The following RPP30 variants were observed in gnomAD, a reference collection of about 807,000 sequenced individuals.
RPP30 encodes ribonuclease P/MRP subunit p30, also known as ribonuclease P protein subunit p30.
Under a neutral mutation model 38.6 loss-of-function variants are expected in RPP30, and 36 were observed. The observed-to-expected ratio is 0.93, with a 90% CI of 0.71 to 1.23. The LOEUF (loss-of-function observed/expected upper bound fraction) is 1.23. Ranked by LOEUF, RPP30 falls within the 50% of genes most tolerant of loss-of-function variation. RPP30 has a pLI of 0.00. For synonymous variants in RPP30, 126 were observed against 112.7 expected (o/e 1.12, Z -0.75); for missense variants, 321 against 321.7 (o/e 1.00, Z 0.02).
At chr10:90,881,880 A>G (rs1369699392) in intron 5 of RPP30, among the ~76,000 whole-genome samples, 1 of 152,056 alleles carries the variant, frequency 6.6e-6, no homozygotes, top group Non-Finnish European at 1.5e-5. Flanking sequence ...ACACACACAG[A>G]CAGACACATG....
intron 6 of RPP30, among the ~76,000 whole-genome samples, chr10:90,886,459 C>T (rs1360512109): frequency 6.6e-6 from 1 of 152,194 alleles, no homozygotes; most frequent in Non-Finnish European, 1.5e-5. Flanking sequence ...GAATTTTTCT[C>T]ATTCCCCTTC....
At chr10:90,904,593 A>G (rs996836289), downstream of RPP30, among the ~76,000 whole-genome samples, 2 of 152,178 alleles carry the variant, frequency 1.3e-5, no homozygotes, top group African/African-American at 4.8e-5. Flanking sequence ...AGGGCGGATA[A>G]CTTGAGGTCA....
chr10:90,887,882 A>T (rs937471747), intron 6 of RPP30, among the ~76,000 whole-genome samples: 2 of 152,224 alleles, frequency 1.3e-5, no homozygotes, highest in African/African-American at 4.8e-5. Context: ...AACTACAAGA[A>T]GTCATTCAGT....
chr10:90,905,862 G>A (rs1481283609), downstream of RPP30: 7 of 152,096 alleles, frequency 4.6e-5, no homozygotes, highest in East Asian at 1.2e-3. Context: ...GGATGGATAA[G>A]GATATTCACT....
At chr10:90,880,213 T>G (rs1336546910) in intron 5 of RPP30, 1 of 152,160 alleles carries the variant, frequency 6.6e-6, no homozygotes, top group Non-Finnish European at 1.5e-5. Flanking sequence ...CATCAGTTTT[T>G]TTTTTTTTTA....
At chr10:90,885,968 G>A in intron 6 of RPP30, 67 bp downstream of exon 6, 1 of 1,006,242 alleles carries the variant, frequency 9.9e-7, no homozygotes, top group Non-Finnish European at 1.5e-6. Flanking sequence ...AAAAGAAGCA[G>A]AAGAAATCAG....
At chr10:90,887,526 G>A (rs554749705) in intron 6 of RPP30, among the ~76,000 whole-genome samples, 65 of 151,912 alleles carry the variant, frequency 4.3e-4, no homozygotes, top group African/African-American at 1.5e-3. Flanking sequence ...GGGATTACAG[G>A]TGCACACCAC....
At chr10:90,878,502 T>G (rs1190409389) in intron 4 of RPP30, among the ~76,000 whole-genome samples, 1 of 152,138 alleles carries the variant, frequency 6.6e-6, no homozygotes, top group Non-Finnish European at 1.5e-5. Context: ...TCTTCATTTT[T>G]TTTTTTTGAG....
At position 90,901,909 on chromosome 10, in the gene RPP30, C is replaced by T. The variant is rs1847207907; in HGVS notation, c.*1230C>T. On this transcript the variant is annotated 3_prime_UTR_variant, in exon 11 of 11. Coordinates refer to ENST00000371703, the MANE Select transcript of RPP30 (RefSeq NM_006413.5). ...TCTCTGCTCACTGCAAGCTCCGCCT[C>T]CTGGGTTCATGCCATTCTCCTGCCT... is the stretch of plus-strand genomic sequence containing the variant. 2.0e-6 allele frequency: 1 copy of T among 506,778 alleles called. No homozygotes were observed. Among genetic ancestry groups the T allele is most frequent in the Non-Finnish European group, 2.5e-6 (1 of 394,138 alleles). 31.4% of individuals were successfully genotyped at this position (506,778 alleles called of 1,614,324 possible). A position where few individuals can be genotyped will look rare whatever the true frequency, so the allele number is the denominator to read the frequency against.
downstream of RPP30, among the ~76,000 whole-genome samples, chr10:90,907,699 T>A (rs1183005987): frequency 2.0e-5 from 3 of 152,196 alleles, no homozygotes; most frequent in Non-Finnish European, 4.4e-5. Context: ...TCCTGCTACC[T>A]GGAACACTTG....
chr10:90,895,697 A>G, intron 8 of RPP30, 183 bp from the exon 9 acceptor site: 1 of 520,198 alleles, frequency 1.9e-6, no homozygotes. Context: ...TTATACTGTT[A>G]CAAAATGCCT....
In RPP30 at chr10:90,895,777, T is replaced by TG; in HGVS notation, c.580-103_580-102insG. 1.4e-5 allele frequency: 12 copies of TG among 852,140 alleles called. No homozygotes were observed. The Admixed American group carries it at 2.8e-4, about 20-fold the overall frequency. 52.8% of individuals were successfully genotyped at this position (852,140 alleles called of 1,614,324 possible). On this transcript the variant is annotated intron_variant, in intron 8 of 10. Transcript: ENST00000371703. ...ATTATAAGGACTTAAATTTATGTAA[T>TG]TTTTTTATTTTTGGATACTTAAATT... is the stretch of plus-strand genomic sequence containing the variant.
At chr10:90,888,144 G>A (rs1589498343) in intron 6 of RPP30, among the ~76,000 whole-genome samples, 1 of 152,198 alleles carries the variant, frequency 6.6e-6, no homozygotes, top group East Asian at 1.9e-4. Context: ...GGGCACTATA[G>A]CTACTCAGCA....
intron 3 of RPP30, 95 bp downstream of exon 3, chr10:90,875,709 C>T (rs1846842740): frequency 2.0e-6 from 2 of 1,019,544 alleles, no homozygotes; most frequent in Non-Finnish European, 1.6e-6. Flanking sequence ...CTGCACCTTA[C>T]TCTGAGTACC....
rs1313618688 is a variant in RPP30 at position 90,900,982 on chromosome 10, TG to T, written c.*304del. On this transcript the variant is annotated 3_prime_UTR_variant, in exon 11 of 11. Coordinates refer to ENST00000371703, the MANE Select transcript of RPP30 (RefSeq NM_006413.5). Reference sequence around the variant, plus strand: ...TTGAATAAAATGTTTCAGGTATTTTTGTTTCATTTTGTTTTTGAGATAGGGT... The same window carrying T: ...TTGAATAAAATGTTTCAGGTATTTTTTTTCATTTTGTTTTTGAGATAGGGT... 5.8e-6 allele frequency: 6 copies of T among 1,037,552 alleles called. No individual in the cohort carries two copies. The African/African-American group carries it at 1.0e-4, about 18-fold the overall frequency. The allele number at this position is 1,037,552 out of a possible 1,614,324, so 64.3% of individuals were successfully genotyped here.
At chr10:90,886,076 A>G (rs1348798333) in intron 6 of RPP30, among the ~76,000 whole-genome samples, 175 bp downstream of exon 6, 1 of 152,262 alleles carries the variant, frequency 6.6e-6, no homozygotes, top group East Asian at 1.9e-4. Context: ...AAGAAAGCTT[A>G]AAATTAAAAA....
downstream of RPP30, chr10:90,905,922 TAAC>T (rs779884427): frequency 1.5e-4 from 23 of 152,310 alleles, no homozygotes; most frequent in Admixed American, 1.1e-3. Context: ...TACCCAATAA[TAAC>T]AGGATTAAAT....
downstream of RPP30, chr10:90,905,492 A>G (rs1013007473): frequency 6.6e-6 from 1 of 152,250 alleles, no homozygotes; most frequent in Non-Finnish European, 1.5e-5. Context: ...CTGAAACCAC[A>G]TATTTGCCTC....
downstream of RPP30, chr10:90,903,165 A>AT: frequency 7.7e-7 from 1 of 1,303,912 alleles, no homozygotes; most frequent in Non-Finnish European, 1.1e-6. Context: ...TGCTTCACTA[A>AT]TGTCAAGTTC....
Sources: allele counts gnomAD v4.1 joint callset (sites outside exome capture counted in the v4.1 genomes callset), GRCh38; gene constraint gnomAD v4.1.1; transcripts MANE v1.5; gene names NCBI Gene and HGNC (gene_info 2026-07-23, HGNC 2026-07-21).